The following TMEFF2 variants were observed in gnomAD, a reference collection of about 807,000 sequenced individuals.
TMEFF2 encodes the protein tomoregulin-2.
A neutral mutation model predicts 53.8 loss-of-function variants in TMEFF2; 28 were observed. The ratio of observed to expected loss-of-function variants is 0.52; its 90% CI spans 0.39 to 0.71. The LOEUF (loss-of-function observed/expected upper bound fraction) is 0.71. Ranked by LOEUF, TMEFF2 falls within the 30% of genes least tolerant of loss-of-function variation. TMEFF2 has a pLI of 0.00. For missense variants in TMEFF2, 353 were observed against 455.2 expected, an observed-to-expected ratio of 0.78 and a Z score of 2.04; for synonymous variants, 162 against 166.3, an observed-to-expected ratio of 0.97 and a Z score of 0.20.
At chr2:192,083,933 A>G (rs962733630) in intron 4 of TMEFF2, among the ~76,000 whole-genome samples, 23 of 152,086 alleles carry the variant, frequency 1.5e-4, no homozygotes, top group African/African-American at 5.1e-4. Context: ...CTTTTTCTAT[A>G]CAAGTCACTG....
intron 8 of TMEFF2, among the ~76,000 whole-genome samples, chr2:191,954,285 G>T (rs978586447): frequency 6.6e-6 from 1 of 151,822 alleles, no homozygotes; most frequent in African/African-American, 2.4e-5. Context: ...TGTGGCTATG[G>T]CTCTCAACTA....
At chr2:192,157,360 A>G (rs1161015214) in intron 4 of TMEFF2, among the ~76,000 whole-genome samples, 2 of 152,010 alleles carry the variant, frequency 1.3e-5, no homozygotes, top group East Asian at 1.9e-4. Context: ...GTAAAATAGG[A>G]AGAGAAATGC....
intron 2 of TMEFF2, among the ~76,000 whole-genome samples, chr2:192,185,690 G>T (rs763185757): frequency 6.6e-6 from 1 of 151,884 alleles, no homozygotes; most frequent in African/African-American, 2.4e-5. Context: ...TAATCTGATT[G>T]ATTAAAACCT....
chr2:192,001,384 G>A (rs1686355015), intron 5 of TMEFF2, among the ~76,000 whole-genome samples: 2 of 151,842 alleles, frequency 1.3e-5, no homozygotes, highest in South Asian at 4.2e-4. Flanking sequence ...TTATGTTTTT[G>A]TAAATGTTTT....
At position 192,139,395 on chromosome 2, in the gene TMEFF2, T is replaced by G. The variant is rs114824994; in HGVS notation, c.439+40273A>C. ...TTTCACATTAGGAAGGACAGCACCA[T>G]CAAGAGGTAATTGAAGCACAAAATA... On this transcript the variant is annotated intron_variant, in intron 4 of 9. Transcript: ENST00000272771. Among the ~76,000 whole-genome samples the G allele has an allele frequency of 9.5e-3, 1,451 of 152,270 alleles. 15 individuals carry two copies. The highest frequency in any genetic ancestry group is 0.016 in the Non-Finnish European group (1,073 of 68,012).
intron 5 of TMEFF2, among the ~76,000 whole-genome samples, chr2:192,002,476 A>G (rs76819853): frequency 1.4e-5 from 2 of 144,888 alleles, no homozygotes; most frequent in Non-Finnish European, 3.1e-5. Context: ...TATGGAGAAT[A>G]TTTTTTTTTT....
intron 7 of TMEFF2, among the ~76,000 whole-genome samples, chr2:191,982,213 G>A (rs972078987): frequency 6.6e-6 from 1 of 152,072 alleles, no homozygotes; most frequent in African/African-American, 2.4e-5. Flanking sequence ...GGCTTTATGT[G>A]TCATTATTGT....
At chr2:191,976,959 T>G (rs114876191) in intron 7 of TMEFF2, among the ~76,000 whole-genome samples, 98 of 152,362 alleles carry the variant, frequency 6.4e-4, no homozygotes, top group African/African-American at 2.2e-3. Flanking sequence ...ACACAGTAAG[T>G]ACTCAATAAA....
chr2:191,967,818 G>T (rs1415421008), intron 7 of TMEFF2, among the ~76,000 whole-genome samples: 1 of 152,116 alleles, frequency 6.6e-6, no homozygotes, highest in Non-Finnish European at 1.5e-5. Context: ...GTGAGCCATG[G>T]TTTGCCCTCT....
intron 7 of TMEFF2, among the ~76,000 whole-genome samples, chr2:191,995,358 A>G (rs1343474594): frequency 6.6e-6 from 1 of 152,024 alleles, no homozygotes; most frequent in Non-Finnish European, 1.5e-5. Flanking sequence ...AGTGTTAACT[A>G]GATATAAGGC....
intron 5 of TMEFF2, among the ~76,000 whole-genome samples, chr2:192,056,382 AGAG>A (rs976005698): frequency 7.2e-5 from 11 of 152,138 alleles, no homozygotes; most frequent in East Asian, 3.9e-4. Flanking sequence ...GAGGAGAAGA[AGAG>A]GAAGTGGAAG....
intron 4 of TMEFF2, among the ~76,000 whole-genome samples, chr2:192,149,394 A>AG (rs1690332489): frequency 6.6e-6 from 1 of 151,942 alleles, no homozygotes; most frequent in African/African-American, 2.4e-5. Flanking sequence ...AAGCATAGTG[A>AG]GGGGGGAGGA....
At position 192,165,586 on chromosome 2, in the gene TMEFF2, T is replaced by C. The variant is rs1018168162; in HGVS notation, c.439+14082A>G. ...TTTGTAAAACAACAGTGATGTGTCT[T>C]TGTCAGTGTTTCTATAATTACCCCC... On this transcript the variant is annotated intron_variant, in intron 4 of 9. Coordinates refer to ENST00000272771, the MANE Select transcript of TMEFF2 (RefSeq NM_016192.4). 2.6e-5 allele frequency among the ~76,000 whole-genome samples: 4 copies of C among 152,230 alleles called. No homozygotes were observed. The East Asian group carries it at 7.7e-4, about 29-fold the overall frequency.
intron 5 of TMEFF2, among the ~76,000 whole-genome samples, chr2:192,045,921 G>T (rs534513617): frequency 5.9e-5 from 9 of 152,270 alleles, no homozygotes; most frequent in African/African-American, 2.2e-4. Context: ...ATGGACTTAC[G>T]GAATGCTTTA....
chr2:192,039,049 C>T lies in TMEFF2; in HGVS notation c.536+18630G>A, dbSNP rs144053815. ...CTTAATGCAAAGATATTTCCCGCCC[C>T]CCCCATCTAACTTAACATTATAGTA... On this transcript the variant is annotated intron_variant, in intron 5 of 9. Coordinates refer to ENST00000272771, the MANE Select transcript of TMEFF2 (RefSeq NM_016192.4). Among the ~76,000 whole-genome samples the T allele has an allele frequency of 2.3e-3, 355 of 152,224 alleles. 3 individuals are homozygous for T. Among genetic ancestry groups the T allele is most frequent in the African/African-American group, 8.2e-3 (339 of 41,532 alleles).
Position 192,094,432 on chromosome 2 carries a change from A to AATTCTACCAGAGGCCAATGGTAGAAAAT in TMEFF2, c.440-36685_440-36658dup, listed in dbSNP as rs557890075. Among the ~76,000 whole-genome samples, 270 of 152,202 alleles carry AATTCTACCAGAGGCCAATGGTAGAAAAT rather than the reference A, an allele frequency of 1.8e-3. 1 individual carries two copies. Among genetic ancestry groups the AATTCTACCAGAGGCCAATGGTAGAAAAT allele is most frequent in the African/African-American group, 6.0e-3 (247 of 41,508 alleles). Reference sequence around the variant, plus strand: ...AGTGGTAACTGAATACTCTCAATAAAATTCTACCAGAGGCCAATGGTAGAA... The same window carrying AATTCTACCAGAGGCCAATGGTAGAAAAT: ...AGTGGTAACTGAATACTCTCAATAAAATTCTACCAGAGGCCAATGGTAGAAAATATTCTACCAGAGGCCAATGGTAGAA... On this transcript the variant is annotated intron_variant, in intron 4 of 9. Coordinates refer to ENST00000272771, the MANE Select transcript of TMEFF2 (RefSeq NM_016192.4).
At chr2:192,131,988 T>G (rs1689844872) in intron 4 of TMEFF2, among the ~76,000 whole-genome samples, 1 of 152,140 alleles carries the variant, frequency 6.6e-6, no homozygotes, top group South Asian at 2.1e-4. Context: ...CTGTGCCCAG[T>G]GCAACTCGTC....
chr2:192,017,992 C>G (rs534131451), intron 5 of TMEFF2, among the ~76,000 whole-genome samples: 2 of 150,054 alleles, frequency 1.3e-5, no homozygotes, highest in Non-Finnish European at 3.0e-5. Context: ...TCTTTCACCT[C>G]TTTACCCTCA....
At chr2:192,177,100 T>C (rs1457936802) in intron 4 of TMEFF2, 1 of 151,294 alleles carries the variant, frequency 6.6e-6, no homozygotes, top group African/African-American at 2.4e-5. Flanking sequence ...ATATGTTATA[T>C]AGAGATTAGT....
Sources: allele counts gnomAD v4.1 joint callset (sites outside exome capture counted in the v4.1 genomes callset), GRCh38; gene constraint gnomAD v4.1.1; transcripts MANE v1.5; gene names NCBI Gene and HGNC (gene_info 2026-07-23, HGNC 2026-07-21).